SNHG17: variants seen among roughly 807,000 people sequenced by gnomAD.
SNHG17 encodes the protein small nucleolar RNA host gene 17 (non-protein coding).
At chr20:38,426,897 TTCTC>T (rs2084256935) in intron 3 of SNHG17, among the ~76,000 whole-genome samples, 1 of 150,034 alleles carries the variant, frequency 6.7e-6, no homozygotes, top group African/African-American at 2.5e-5. Flanking sequence ...AATGAGCACT[TTCTC>T]TTTCTTACGA....
chr20:38,427,758 G>A (rs964911680), intron 3 of SNHG17: 66 of 164,488 alleles, frequency 4.0e-4, no homozygotes, highest in African/African-American at 1.5e-3. Context: ...CTTGGCTCTC[G>A]GGATGTTCCT....
Position 38,425,270 on chromosome 20 carries a change from C to T in SNHG17, n.579+665G>A, listed in dbSNP as rs753971698. Reference sequence around the variant, plus strand: ...ACACGGGGAAGCGCTTTCATTGATTCCTCTCCCTGCACTATCAATGACCAG... The same window carrying T: ...ACACGGGGAAGCGCTTTCATTGATTTCTCTCCCTGCACTATCAATGACCAG... On this transcript the variant is annotated intron_variant and non_coding_transcript_variant, in intron 5 of 8. Coordinates refer to ENST00000654008, the Ensembl canonical transcript of SNHG17. 27 of 519,026 alleles carry T rather than the reference C, an allele frequency of 5.2e-5. No individual in the cohort carries two copies. The Admixed American group carries it at 5.2e-4, about 10-fold the overall frequency. The allele number at this position is 519,026 out of a possible 1,614,324, so 32.2% of individuals were successfully genotyped here. A position where few individuals can be genotyped will look rare whatever the true frequency, so the allele number is the denominator to read the frequency against.
chr20:38,431,229 G>A (rs911407130), intron 2 of SNHG17: 4 of 152,260 alleles, frequency 2.6e-5, no homozygotes, highest in Non-Finnish European at 4.4e-5. Flanking sequence ...TGTCTCAGGA[G>A]GTGAATGTAC....
At chr20:38,427,228 G>A in intron 3 of SNHG17, 1 of 375,966 alleles carries the variant, frequency 2.7e-6, no homozygotes, top group Non-Finnish European at 5.4e-6. Context: ...ACTTAAGCAT[G>A]ATGCCCCCCC....
chr20:38,422,485 C>T (rs769488885), intron 5 of SNHG17, among the ~76,000 whole-genome samples: 18 of 152,298 alleles, frequency 1.2e-4, no homozygotes, highest in South Asian at 2.1e-4. Context: ...ACAAGAAAAA[C>T]GTAACTCTAG....
chr20:38,430,595 C>G (rs2084326488), intron 3 of SNHG17, among the ~76,000 whole-genome samples: 1 of 152,260 alleles, frequency 6.6e-6, no homozygotes, highest in Non-Finnish European at 1.5e-5. Context: ...GCACTCTAGC[C>G]TGGGCGACAG....
intron 5 of SNHG17, chr20:38,425,885 C>T (rs1194486078): frequency 3.3e-5 from 5 of 153,068 alleles, no homozygotes; most frequent in African/African-American, 1.2e-4. Context: ...TGGTGAGACT[C>T]CGCCTCTACA....
Position 38,424,504 on chromosome 20 carries a change from C to T in SNHG17, n.579+1431G>A, listed in dbSNP as rs180764844. Among the ~76,000 whole-genome samples, 819 of 152,272 alleles carry T rather than the reference C, an allele frequency of 5.4e-3. 2 individuals are homozygous for T. Among genetic ancestry groups the T allele is most frequent in the South Asian group, 8.9e-3 (43 of 4,826 alleles). On this transcript the variant is annotated intron_variant and non_coding_transcript_variant, in intron 5 of 8. Coordinates refer to ENST00000654008, the Ensembl canonical transcript of SNHG17. ...TGGCTTGTTCTAGGACATTTTTAAC[C>T]CCAGCACTGCTCAATGGGATAAGCC...
chr20:38,435,259 T>C lies in SNHG17; in HGVS notation n.123A>G, dbSNP rs765368852. ...AGACAGCGTGGGAAAAATCAAGATG[T>C]CTGCAGATTTCGAGAGATGGGGTGC... On this transcript the variant is annotated non_coding_transcript_exon_variant, in exon 1 of 9. Transcript: ENST00000654008. 6.8e-4 allele frequency: 843 copies of C among 1,231,710 alleles called. 1 individual carries two copies. The highest frequency in any genetic ancestry group is 8.3e-4 in the Non-Finnish European group (820 of 987,990). The allele number at this position is 1,231,710 out of a possible 1,614,324, so 76.3% of individuals were successfully genotyped here. A position where few individuals can be genotyped will look rare whatever the true frequency, so the allele number is the denominator to read the frequency against.
intron 2 of SNHG17, among the ~76,000 whole-genome samples, chr20:38,431,599 TG>T (rs1254296445): frequency 2.6e-5 from 4 of 152,120 alleles, no homozygotes; most frequent in African/African-American, 9.7e-5. Context: ...TCTTCGGACG[TG>T]GAAGATAGGG....
exon 1 of SNHG17, chr20:38,435,313 G>A (rs1245609421): frequency 4.1e-6 from 5 of 1,231,420 alleles, no homozygotes; most frequent in Non-Finnish European, 5.1e-6. Flanking sequence ...AGGACGGCGA[G>A]GGACGGCGAA....
chr20:38,432,422 C>T (rs113132567), intron 2 of SNHG17, among the ~76,000 whole-genome samples: 11 of 152,276 alleles, frequency 7.2e-5, no homozygotes, highest in Admixed American at 5.9e-4. Context: ...GCAGGATGGC[C>T]CATCTGTCAT....
intron 6 of SNHG17, chr20:38,422,070 T>C (rs967344582): frequency 1.3e-5 from 2 of 152,320 alleles, no homozygotes; most frequent in African/African-American, 4.8e-5. Context: ...GGAGGACGGT[T>C]CCCCCGGGGA....
chr20:38,431,178 A>T (rs2084336287), intron 2 of SNHG17: 1 of 152,254 alleles, frequency 6.6e-6, no homozygotes, highest in Admixed American at 6.5e-5. Flanking sequence ...AGTCCAGGAA[A>T]CCACGATATT....
chr20:38,434,279 C>CT (rs1326506300), intron 2 of SNHG17, among the ~76,000 whole-genome samples: 1 of 152,210 alleles, frequency 6.6e-6, no homozygotes, highest in African/African-American at 2.4e-5. Context: ...CTCAGAGAGC[C>CT]TTTGCAGTTT....
intron 2 of SNHG17, chr20:38,433,716 T>C (rs1183339868): frequency 2.2e-6 from 1 of 445,986 alleles, no homozygotes; most frequent in Admixed American, 2.4e-5. Context: ...GCTGCAGCTG[T>C]GGTTTCACCA....
At chr20:38,423,814 T>C (rs2084199779) in intron 5 of SNHG17, among the ~76,000 whole-genome samples, 2 of 152,196 alleles carry the variant, frequency 1.3e-5, no homozygotes, top group African/African-American at 4.8e-5. Context: ...CACTGTGCTA[T>C]CTATATCTGT....
chr20:38,435,144 G>C, intron 1 of SNHG17: 1 of 1,232,332 alleles, frequency 8.1e-7, no homozygotes, highest in Non-Finnish European at 1.0e-6. Context: ...CGGGGCCTCA[G>C]TTTCCCCCGA....
intron 2 of SNHG17, chr20:38,432,147 G>T: frequency 1.0e-6 from 1 of 985,476 alleles, no homozygotes; most frequent in Non-Finnish European, 1.2e-6. Flanking sequence ...AAAGGACAAG[G>T]AGAGTACTGG....
Sources: gnomAD v4.1 joint callset for allele counts (sites outside exome capture counted in the v4.1 genomes callset) on GRCh38, gnomAD v4.1.1 for gene constraint, MANE v1.5 for transcripts, NCBI Gene and HGNC (gene_info 2026-07-23, HGNC 2026-07-21) for gene names.